Variants in NRG1 observed in about 807,000 individuals in gnomAD.
NRG1 encodes the protein pro-neuregulin-1, membrane-bound isoform.
NRG1 carries 18 observed loss-of-function variants against 63.8 expected under a neutral mutation model. The ratio of observed to expected loss-of-function variants is 0.28; its 90% CI spans 0.19 to 0.42. NRG1 has a LOEUF of 0.42. NRG1 is among the 10% of genes least tolerant of loss of function. The probability of loss-of-function intolerance (pLI) is 1.00; values close to 1 mark genes in which losing one functional copy is unlikely to be tolerated. For missense variants in NRG1, 762 were observed against 814.7 expected (o/e 0.94, Z 0.79); for synonymous variants, 302 against 301.3 (o/e 1.00, Z -0.02).
intron 1 of NRG1, among the ~76,000 whole-genome samples, chr8:32,488,867 T>C (rs920245373): frequency 1.4e-4 from 21 of 152,156 alleles, no homozygotes; most frequent in Admixed American, 2.6e-4. Flanking sequence ...CTGGGATTGT[T>C]ACCAGTGGTG....
Position 32,383,395 on chromosome 8 carries a change from G to A in NRG1, c.38-212433G>A, listed in dbSNP as rs73250430. Reference sequence around the variant, plus strand: ...GGTCAACTTGGTTATTTTCTCTCTAGACCCGTCATTGAGGGTAGCCACCAG... The same window carrying A: ...GGTCAACTTGGTTATTTTCTCTCTAAACCCGTCATTGAGGGTAGCCACCAG... On this transcript the variant is annotated intron_variant, in intron 1 of 10. Coordinates refer to the NRG1 transcript ENST00000519301. Among the ~76,000 whole-genome samples, 738 of 152,222 alleles carry A rather than the reference G, an allele frequency of 4.8e-3. 2 individuals carry two copies. The highest frequency in any genetic ancestry group is 8.6e-3 in the Admixed American group (132 of 15,290).
Position 32,244,611 on chromosome 8 carries a change from G to A in NRG1, c.38-351217G>A, listed in dbSNP as rs1848434735. ...CACCACTTTTTTCTAGAAGCATAGGGATTAGGTCACATTCAACATTTTCAG... is the reference window on the plus strand; with the variant it reads ...CACCACTTTTTTCTAGAAGCATAGGAATTAGGTCACATTCAACATTTTCAG... On this transcript the variant is annotated intron_variant, in intron 1 of 10. Coordinates refer to the NRG1 transcript ENST00000519301. Among the ~76,000 whole-genome samples the A allele has an allele frequency of 3.3e-5, 5 of 152,130 alleles. 1 individual carries two copies. The South Asian group carries it at 1.0e-3, about 32-fold the overall frequency.
At chr8:32,226,390 T>C (rs1326338814) in intron 1 of NRG1, among the ~76,000 whole-genome samples, 2 of 152,178 alleles carry the variant, frequency 1.3e-5, no homozygotes, top group Non-Finnish European at 2.9e-5. Flanking sequence ...GTATGTGTGT[T>C]CTGGTTGGCA....
At chr8:32,668,431 A>G (rs1398373673) in intron 5 of NRG1, among the ~76,000 whole-genome samples, 1 of 152,018 alleles carries the variant, frequency 6.6e-6, no homozygotes, top group African/African-American at 2.4e-5. Flanking sequence ...AGGTTATTGA[A>G]GTGTCAGGGT....
intron 1 of NRG1, among the ~76,000 whole-genome samples, chr8:32,274,207 C>T (rs1851845388): frequency 6.6e-6 from 1 of 152,180 alleles, no homozygotes; most frequent in African/African-American, 2.4e-5. Flanking sequence ...ATCCTACACC[C>T]TGCCCTCCTT....
intron 1 of NRG1, among the ~76,000 whole-genome samples, chr8:32,265,407 T>C (rs1850818619): frequency 6.6e-6 from 1 of 152,142 alleles, no homozygotes; most frequent in African/African-American, 2.4e-5. Flanking sequence ...ATATTTATCA[T>C]AGCTATATTT....
exon 6 of NRG1, chr8:32,728,065 A>C (rs1431316588): frequency 6.2e-7 from 1 of 1,613,928 alleles, no homozygotes; most frequent in African/African-American, 1.3e-5. Flanking sequence ...AAACCCCTCG[A>C]GATACTTGTG....
intron 1 of NRG1, among the ~76,000 whole-genome samples, chr8:31,733,066 T>C (rs1391286724): frequency 6.6e-6 from 1 of 152,194 alleles, no homozygotes; most frequent in Non-Finnish European, 1.5e-5. Context: ...GCAGCATTTA[T>C]GTTTCTGTGA....
chr8:32,128,829 A>G (rs1477913469), intron 1 of NRG1, among the ~76,000 whole-genome samples: 1 of 152,054 alleles, frequency 6.6e-6, no homozygotes, highest in African/African-American at 2.4e-5. Context: ...ATCTCTGACC[A>G]TTGGTATCTT....
intron 1 of NRG1, among the ~76,000 whole-genome samples, chr8:31,983,232 C>T (rs1809468658): frequency 6.6e-6 from 1 of 152,040 alleles, no homozygotes; most frequent in South Asian, 2.1e-4. Flanking sequence ...CATCCAATTT[C>T]TCACATGTGA....
At chr8:32,607,031 C>G (rs1032259659) in intron 3 of NRG1, among the ~76,000 whole-genome samples, 2 of 152,120 alleles carry the variant, frequency 1.3e-5, no homozygotes, top group East Asian at 1.9e-4. Context: ...TTATCACTTT[C>G]ATTTTAAATG....
intron 1 of NRG1, among the ~76,000 whole-genome samples, chr8:32,456,707 T>C (rs1030419131): frequency 1.3e-5 from 2 of 152,208 alleles, no homozygotes; most frequent in Non-Finnish European, 2.9e-5. Context: ...TAGTCAACAG[T>C]AGGTTATTAA....
At chr8:32,504,465 C>T (rs6984139) in intron 1 of NRG1, among the ~76,000 whole-genome samples, 86,892 of 151,894 alleles carry the variant, frequency 0.57, 25,236 homozygotes, top group East Asian at 0.79. Context: ...TACTTATAAG[C>T]GTTTTTTTAA....
chr8:32,463,913 TGG>T (rs1563498989), intron 1 of NRG1, among the ~76,000 whole-genome samples: 2 of 99,758 alleles, frequency 2.0e-5, no homozygotes, highest in South Asian at 3.5e-4. Flanking sequence ...TTTTTTTTTT[TGG>T]GGGAGGGTCT....
chr8:32,484,102 C>CAGAAA (rs1825637124), intron 1 of NRG1, among the ~76,000 whole-genome samples: 1 of 139,202 alleles, frequency 7.2e-6, no homozygotes. Context: ...GACTCCGTAT[C>CAGAAA]AAAAAAAAAA....
At chr8:32,297,927 A>G (rs903350138) in intron 1 of NRG1, among the ~76,000 whole-genome samples, 1 of 152,268 alleles carries the variant, frequency 6.6e-6, no homozygotes, top group African/African-American at 2.4e-5. Context: ...CAATGTAATG[A>G]GAAGAATGCT....
At chr8:32,491,205 T>C (rs541335714) in intron 1 of NRG1, among the ~76,000 whole-genome samples, 5 of 152,234 alleles carry the variant, frequency 3.3e-5, no homozygotes, top group African/African-American at 1.2e-4. Flanking sequence ...ATCAGCACAA[T>C]TATTGTGGCT....
chr8:32,631,873 C>T (rs72634868), intron 5 of NRG1, among the ~76,000 whole-genome samples: 10,100 of 152,058 alleles, frequency 0.066, 407 homozygotes, highest in African/African-American at 0.1. Context: ...GCGCAGAATT[C>T]GCTGGCTTTT....
At chr8:32,339,697 C>T (rs1214683240) in intron 1 of NRG1, among the ~76,000 whole-genome samples, 18 of 152,052 alleles carry the variant, frequency 1.2e-4, no homozygotes, top group South Asian at 2.1e-4. Flanking sequence ...AATAAAATGA[C>T]GTTTAGTAAT....
Sources: allele counts gnomAD v4.1 joint callset (sites outside exome capture counted in the v4.1 genomes callset), GRCh38; gene constraint gnomAD v4.1.1; transcripts MANE v1.5; gene names NCBI Gene and HGNC (gene_info 2026-07-23, HGNC 2026-07-21).